Variants in CHRNA1 observed in about 807,000 individuals in gnomAD.
CHRNA1 encodes cholinergic receptor nicotinic alpha 1 subunit.
A neutral mutation model predicts 47.1 loss-of-function variants in CHRNA1; 35 were observed. The ratio of observed to expected loss-of-function variants is 0.74; its 90% CI spans 0.57 to 0.99. CHRNA1 has a LOEUF of 0.99. Ranked by LOEUF, CHRNA1 falls within the 50% of genes least tolerant of loss-of-function variation. The pLI, the probability that CHRNA1 is intolerant of heterozygous loss-of-function variation, is 0.00. For missense variants in CHRNA1, 506 were observed against 591.1 expected (o/e 0.86, Z 1.49); for synonymous variants, 229 against 223.6 (o/e 1.02, Z -0.22).
At position 174,753,543 on chromosome 2, in the gene CHRNA1, G is replaced by A. The variant is rs1683900748; in HGVS notation, c.738C>T (p.Ser246=). The A allele has an allele frequency of 6.2e-7, 1 of 1,614,200 alleles. No individual in the cohort carries two copies. The highest frequency in any genetic ancestry group is 1.1e-5 in the South Asian group (1 of 91,066). ...GGTAGAATACCAGGCCAGTTAAGAA[G>A]GAGAAGAGCAGGCAGGGGATGATGA... ...VNVIIPCLLF[S]FLTGLVFYLP... is the part of the protein sequence containing the mutation. Residue 246 remains serine, a synonymous_variant, in exon 6 of 9, where the codon TCC becomes TCT. Transcript: ENST00000348749.
chr2:174,754,735 C>T (rs534662879), intron 4 of CHRNA1, among the ~76,000 whole-genome samples: 3 of 151,926 alleles, frequency 2.0e-5, no homozygotes, highest in Non-Finnish European at 4.4e-5. Flanking sequence ...ATTATTTTTC[C>T]AGCCCTCACA....
chr2:174,752,622 G>A (rs888804133), intron 6 of CHRNA1: 1 of 152,210 alleles, frequency 6.6e-6, no homozygotes, highest in Non-Finnish European at 1.5e-5. Context: ...CATGCACTCT[G>A]AGGGGTGAGG....
At chr2:174,755,083 C>T (rs1224840026) in intron 4 of CHRNA1, among the ~76,000 whole-genome samples, 1 of 152,132 alleles carries the variant, frequency 6.6e-6, no homozygotes. Flanking sequence ...CTAGGTTTCA[C>T]CATGTTGACC....
At chr2:174,758,598 AT>A (rs1385820029) in intron 3 of CHRNA1, among the ~76,000 whole-genome samples, 2 of 151,670 alleles carry the variant, frequency 1.3e-5, no homozygotes, top group Non-Finnish European at 2.9e-5. Flanking sequence ...ATATTTCAAA[AT>A]AAAAACCAAA....
chr2:174,750,444 G>T (rs1490515411), intron 6 of CHRNA1, among the ~76,000 whole-genome samples: 3 of 152,130 alleles, frequency 2.0e-5, no homozygotes, highest in Non-Finnish European at 4.4e-5. Flanking sequence ...GAAGAAGATG[G>T]CCATTACAAA....
At chr2:174,752,916 A>ATT (rs1475055954) in intron 6 of CHRNA1, 1 of 161,696 alleles carries the variant, frequency 6.2e-6, no homozygotes, top group African/African-American at 2.4e-5. Context: ...TTTCTGGTGG[A>ATT]TTGTTATTGT....
At chr2:174,758,203 G>C (rs575497155) in intron 3 of CHRNA1, among the ~76,000 whole-genome samples, 39 of 152,360 alleles carry the variant, frequency 2.6e-4, no homozygotes, top group African/African-American at 7.9e-4. Flanking sequence ...GAGGTCAGGA[G>C]TTCGAGACCA....
intron 4 of CHRNA1, among the ~76,000 whole-genome samples, chr2:174,755,373 A>G (rs1384857548): frequency 6.6e-6 from 1 of 151,524 alleles, no homozygotes; most frequent in Non-Finnish European, 1.5e-5. Context: ...TGAAGGCCCA[A>G]TCTTGCCAGA....
intron 6 of CHRNA1, among the ~76,000 whole-genome samples, chr2:174,751,363 CT>C (rs1413011958): frequency 6.6e-6 from 1 of 152,104 alleles, no homozygotes; most frequent in African/African-American, 2.4e-5. Flanking sequence ...GTTGGTGCTG[CT>C]GGAAACCCTT....
At chr2:174,764,189 C>T (rs1684148839) in intron 1 of CHRNA1, among the ~76,000 whole-genome samples, 163 bp downstream of exon 1, 1 of 152,172 alleles carries the variant, frequency 6.6e-6, no homozygotes, top group African/African-American at 2.4e-5. Context: ...TATCCAAAAA[C>T]TCAATCAAGC....
Position 174,748,057 on chromosome 2 carries a change from C to T in CHRNA1, c.*67G>A. ...GTGCGAGTGGAGCAAGTAGACAAAT[C>T]TTCCTCTCCTGCCCTTCTCTGCTCT... On this transcript the variant is annotated 3_prime_UTR_variant, in exon 9 of 9. Transcript: ENST00000348749. The T allele has an allele frequency of 1.9e-6, 3 of 1,600,980 alleles. No homozygotes were observed. The highest frequency in any genetic ancestry group is 2.6e-6 in the Non-Finnish European group (3 of 1,171,276).
chr2:174,756,347 T>C (rs35764799), intron 4 of CHRNA1, among the ~76,000 whole-genome samples: 3,748 of 152,250 alleles, frequency 0.025, 64 homozygotes, highest in Non-Finnish European at 0.036. Flanking sequence ...CATCATGGCA[T>C]ATGTTGGTCC....
In CHRNA1 at chr2:174,749,688, C is replaced by G. The variant is rs185189357; in HGVS notation, c.1002+258G>C. Among the ~76,000 whole-genome samples, 29 of 152,332 alleles carry G rather than the reference C, an allele frequency of 1.9e-4. No homozygotes were observed. In the East Asian group the frequency reaches 4.2e-3, roughly 22 times the overall value. On this transcript the variant is annotated intron_variant, in intron 7 of 8. Transcript: ENST00000348749. Reference sequence around the variant, plus strand: ...AAAAGCAGCCGTTTGTTCATCTTCTCTGATCAAAGAGATTCTTTAAACTTG... The same window carrying G: ...AAAAGCAGCCGTTTGTTCATCTTCTGTGATCAAAGAGATTCTTTAAACTTG...
chr2:174,760,757 A>G (rs1684086931), intron 1 of CHRNA1, among the ~76,000 whole-genome samples: 1 of 152,240 alleles, frequency 6.6e-6, no homozygotes, highest in Non-Finnish European at 1.5e-5. Context: ...CACTGCTGGC[A>G]GGTCCATGTC....
At position 174,764,372 on chromosome 2, in the gene CHRNA1, A is replaced by C. The variant is rs1684152765; in HGVS notation, c.23T>G (p.Leu8Arg). Reference sequence around the variant, plus strand: ...CTTACCTGAGCAAAGGCTAAAGAGCAGGAGGAGAGGCCAGGGCTCCATGGG... The same window carrying C: ...CTTACCTGAGCAAAGGCTAAAGAGCCGGAGGAGAGGCCAGGGCTCCATGGG... MEPWPLL[L>R]LFSLCSAGLV... Residue 8 changes from leucine (L) to arginine (R), a missense_variant, in exon 1 of 9, where the codon CTG (leucine) becomes CGG (arginine). By Grantham distance (102) the Leu-to-Arg change is moderately radical. Transcript: ENST00000348749. 1 of 1,613,442 alleles carries C rather than the reference A, an allele frequency of 6.2e-7. No individual in the cohort carries two copies. The highest frequency in any genetic ancestry group is 1.7e-5 in the Admixed American group (1 of 59,962).
At chr2:174,750,213 T>G in intron 6 of CHRNA1, 44 bp from the exon 7 acceptor site, 5 of 1,497,910 alleles carry the variant, frequency 3.3e-6, no homozygotes, top group Non-Finnish European at 4.6e-6. Context: ...CAACTACCCA[T>G]CTGGGTTGGG....
Position 174,757,617 on chromosome 2 carries a change from A to T in CHRNA1, c.293T>A (p.Ile98Asn). Residue 98 changes from isoleucine to asparagine, a missense_variant, in exon 4 of 9, where the codon ATT becomes AAT. Coordinates refer to ENST00000348749, the MANE Select transcript of CHRNA1 (RefSeq NM_000079.4). ...NPDDYGGVKK[I>N]HIPSEKIWRP... ...CCAGATCTTTTCTGAAGGAATGTGA[A>T]TTTTTTTCACACCGCCATAGTCATC... The T allele has an allele frequency of 6.2e-7, 1 of 1,613,998 alleles. No individual in the cohort carries two copies.
At chr2:174,755,531 T>C (rs748895944) in intron 4 of CHRNA1, among the ~76,000 whole-genome samples, 2 of 152,004 alleles carry the variant, frequency 1.3e-5, no homozygotes, top group African/African-American at 4.8e-5. Context: ...ACCATTCTCC[T>C]GCCTCAGCTC....
At chr2:174,763,764 G>A (rs1199517487) in intron 1 of CHRNA1, among the ~76,000 whole-genome samples, 3 of 151,488 alleles carry the variant, frequency 2.0e-5, no homozygotes, top group Non-Finnish European at 4.4e-5. Context: ...AAAAAAGTAG[G>A]TAGGAATGTA....
Sources: gnomAD v4.1 joint callset for allele counts (sites outside exome capture counted in the v4.1 genomes callset) on GRCh38, gnomAD v4.1.1 for gene constraint, MANE v1.5 for transcripts, NCBI Gene and HGNC (gene_info 2026-07-23, HGNC 2026-07-21) for gene names.